TSC22D2: variants seen among roughly 807,000 people sequenced by gnomAD.
TSC22D2 encodes the protein TSC22 domain family member 2.
TSC22D2 carries 5 observed loss-of-function variants against 50.1 expected under a neutral mutation model. The ratio of observed to expected loss-of-function variants is 0.10; its 90% CI spans 0.05 to 0.21. The LOEUF (loss-of-function observed/expected upper bound fraction) is 0.21. Ranked by LOEUF, TSC22D2 falls within the 10% of genes least tolerant of loss-of-function variation. TSC22D2 has a pLI of 1.00. For synonymous variants in TSC22D2, 501 were observed against 450.1 expected, an observed-to-expected ratio of 1.11 and a Z score of -1.43; for missense variants, 1,003 against 1,015.5, an observed-to-expected ratio of 0.99 and a Z score of 0.17.
Position 150,409,709 on chromosome 3 carries a change from C to T in TSC22D2, c.359C>T (p.Thr120Ile), listed in dbSNP as rs771761089. ...AGCGTGTCTGGGGCGCTCGCCAGTA[C>T]CCTGGCGGCGGCTGCCACTTCGGCC... Reference protein sequence around the residue: ...ARSVSGALASTLAAAATSAPA... With the variant: ...ARSVSGALASILAAAATSAPA... Residue 120 changes from threonine to isoleucine, a missense_variant, in exon 1 of 3, where the codon ACC (threonine) becomes ATC (isoleucine). Thr to Ile is a moderately conservative substitution (Grantham distance 89). This residue lies in a region of TSC22D2 where 200 missense variants were observed against 182.8 expected (regional missense o/e 1.09). Coordinates refer to ENST00000688009, the MANE Select transcript of TSC22D2 (RefSeq NM_001303264.2). The surrounding 1 kb of genome is among the most constrained non-coding windows in gnomAD (Gnocchi z 7.4). 4.4e-6 allele frequency: 7 copies of T among 1,591,332 alleles called. No homozygotes were observed. Among genetic ancestry groups the T allele is most frequent in the Non-Finnish European group, 6.0e-6 (7 of 1,172,738 alleles).
At chr3:150,450,159 T>C (rs1720999388) in intron 1 of TSC22D2, among the ~76,000 whole-genome samples, 1 of 152,110 alleles carries the variant, frequency 6.6e-6, no homozygotes, top group African/African-American at 2.4e-5. Context: ...TACGCTTTAC[T>C]GGCTAGCCAT....
At chr3:150,412,658 G>A (rs776896417) in intron 1 of TSC22D2, among the ~76,000 whole-genome samples, 1 of 152,104 alleles carries the variant, frequency 6.6e-6, no homozygotes, top group Non-Finnish European at 1.5e-5. Context: ...AACGCTTAGA[G>A]AATACCACGT....
At chr3:150,425,953 T>G (rs902908343) in intron 1 of TSC22D2, among the ~76,000 whole-genome samples, 10 of 152,224 alleles carry the variant, frequency 6.6e-5, no homozygotes, top group African/African-American at 2.4e-4. Flanking sequence ...TATTTAGATA[T>G]TTCTCCTTCC....
intron 1 of TSC22D2, among the ~76,000 whole-genome samples, chr3:150,422,232 G>A (rs956434918): frequency 3.3e-5 from 5 of 152,206 alleles, no homozygotes; most frequent in African/African-American, 9.6e-5. Flanking sequence ...GAAGGTGGGG[G>A]AGACTATGGA....
rs752176756 is a variant in TSC22D2 at position 150,410,064 on chromosome 3, C to T, written c.714C>T (p.Pro238=). Reference sequence around the variant, plus strand: ...CCTCCATGCAGGGGGCGCACGGGCCCGAGTCGGGAACTGACAGCTCCTTGA... The same window carrying T: ...CCTCCATGCAGGGGGCGCACGGGCCTGAGTCGGGAACTGACAGCTCCTTGA... ...VVASMQGAHG[P]ESGTDSSLTA... The change falls in exon 1 of 3, where the codon CCC becomes CCT. Residue 238 remains proline, a synonymous_variant. Coordinates refer to ENST00000688009, the MANE Select transcript of TSC22D2 (RefSeq NM_001303264.2). The T allele has an allele frequency of 5.0e-6, 8 of 1,613,070 alleles. No individual in the cohort carries two copies. In the South Asian group the frequency reaches 8.8e-5, roughly 18 times the overall value.
At chr3:150,450,379 T>G (rs1721004339) in intron 1 of TSC22D2, among the ~76,000 whole-genome samples, 1 of 152,112 alleles carries the variant, frequency 6.6e-6, no homozygotes, top group Non-Finnish European at 1.5e-5. Flanking sequence ...TTTTACCTGC[T>G]TGCTCAGGAT....
intron 1 of TSC22D2, among the ~76,000 whole-genome samples, chr3:150,425,852 A>G (rs1020458933): frequency 6.6e-6 from 1 of 152,224 alleles, no homozygotes; most frequent in Non-Finnish European, 1.5e-5. Flanking sequence ...TATTGACTTA[A>G]AGTTCTCTAA....
At chr3:150,442,363 TAAGTTC>T (rs1410512286) in intron 1 of TSC22D2, among the ~76,000 whole-genome samples, 1 of 152,252 alleles carries the variant, frequency 6.6e-6, no homozygotes, top group Non-Finnish European at 1.5e-5. Context: ...GAGAAATGTT[TAAGTTC>T]ATTACAACCC....
chr3:150,458,763 T>G lies in TSC22D2; in HGVS notation c.*127T>G, dbSNP rs1721277364. On this transcript the variant is annotated 3_prime_UTR_variant, in exon 3 of 3. Coordinates refer to ENST00000688009, the MANE Select transcript of TSC22D2 (RefSeq NM_001303264.2). The stretch of plus-strand genomic sequence containing the variant: ...GTTGTGTGTTTGGCCTTTTCAGTAT[T>G]AGACAATCATTCTACAAGAGCTTTT... 34 of 1,202,354 alleles carry G rather than the reference T, an allele frequency of 2.8e-5. No individual in the cohort carries two copies. The South Asian group carries it at 5.3e-4, about 19-fold the overall frequency. The allele number at this position is 1,202,354 out of a possible 1,614,324, so 74.5% of individuals were successfully genotyped here. A position where few individuals can be genotyped will look rare whatever the true frequency, so the allele number is the denominator to read the frequency against.
chr3:150,410,948 C>G lies in TSC22D2; in HGVS notation c.1598C>G (p.Ala533Gly). The change falls in exon 1 of 3, where the codon GCG (alanine) becomes GGG (glycine). Residue 533 changes from alanine (A) to glycine (G), a missense_variant. By Grantham distance (60) the Ala-to-Gly change is moderately conservative. This residue lies in a region of TSC22D2 where 696 missense variants were observed against 647.8 expected (regional missense o/e 1.07). Coordinates refer to ENST00000688009, the MANE Select transcript of TSC22D2 (RefSeq NM_001303264.2). Reference sequence around the variant, plus strand: ...TCTGTTACTATGCCAAATGTACCCGCGCCTCTGGCCCAGTCGCAACAGCTG... The same window carrying G: ...TCTGTTACTATGCCAAATGTACCCGGGCCTCTGGCCCAGTCGCAACAGCTG... ...TTSVTMPNVP[A>G]PLAQSQQLSS... is the part of the protein sequence containing the mutation. 6.2e-7 allele frequency: 1 copy of G among 1,614,184 alleles called. No homozygotes were observed. Among genetic ancestry groups the G allele is most frequent in the Non-Finnish European group, 8.5e-7 (1 of 1,180,042 alleles).
intron 1 of TSC22D2, among the ~76,000 whole-genome samples, chr3:150,429,611 A>G (rs563213722): frequency 6.6e-6 from 1 of 152,300 alleles, no homozygotes; most frequent in Non-Finnish European, 1.5e-5. Context: ...TGTGTGGGAA[A>G]GAAAGAAATT....
chr3:150,422,681 T>C (rs930652125), intron 1 of TSC22D2, among the ~76,000 whole-genome samples: 2 of 152,228 alleles, frequency 1.3e-5, no homozygotes, highest in Non-Finnish European at 2.9e-5. Flanking sequence ...AACAGCCTTG[T>C]TAAACTGCTA....
At chr3:150,432,083 C>T (rs913245652) in intron 1 of TSC22D2, among the ~76,000 whole-genome samples, 2 of 152,166 alleles carry the variant, frequency 1.3e-5, no homozygotes, top group African/African-American at 4.8e-5. Flanking sequence ...TGGTGTTTCA[C>T]TGGACCCTAA....
rs574041776 is a variant in TSC22D2 at position 150,455,328 on chromosome 3, T to G, written c.1959-1748T>G. Among the ~76,000 whole-genome samples the G allele has an allele frequency of 4.6e-5, 7 of 152,326 alleles. No homozygotes were observed. In the Middle Eastern group the frequency reaches 0.01, roughly 222 times the overall value. On this transcript the variant is annotated intron_variant, in intron 1 of 2. Coordinates refer to ENST00000688009, the MANE Select transcript of TSC22D2 (RefSeq NM_001303264.2). ...TTTATAGTTACATATAGTCATACTT[T>G]GCACAGCTCACTAAAAGCATTTAAA... is the stretch of plus-strand genomic sequence containing the variant.
chr3:150,417,092 A>G (rs923277471), intron 1 of TSC22D2, among the ~76,000 whole-genome samples: 2 of 152,168 alleles, frequency 1.3e-5, no homozygotes, highest in African/African-American at 4.8e-5. Flanking sequence ...GGCAGGACAA[A>G]TAAGTAAAGT....
Position 150,411,129 on chromosome 3 carries a change from T to A in TSC22D2, c.1779T>A (p.Asp593Glu), listed in dbSNP as rs1010018238. 1 of 1,614,150 alleles carries A rather than the reference T, an allele frequency of 6.2e-7. No homozygotes were observed. Among genetic ancestry groups the A allele is most frequent in the Admixed American group, 1.7e-5 (1 of 60,022 alleles). Residue 593 changes from aspartate to glutamate, a missense_variant, in exon 1 of 3, where the codon GAT becomes GAA. Asp to Glu is a conservative substitution (Grantham distance 45). Around this residue, in one of 6 missense-constraint regions of TSC22D2, gnomAD observed 696 missense variants for 647.8 expected, o/e 1.07. Transcript: ENST00000688009. ...QTQPLVGQVD[D>E]TRRKSEPLPQ... ...AGCCTTTAGTCGGGCAAGTCGACGA[T>A]ACTAGAAGAAAATCAGAACCCCTAC... is the stretch of plus-strand genomic sequence containing the variant.
At chr3:150,451,138 GTA>G (rs1382898753) in intron 1 of TSC22D2, among the ~76,000 whole-genome samples, 3 of 151,850 alleles carry the variant, frequency 2.0e-5, no homozygotes, top group Admixed American at 6.6e-5. Flanking sequence ...ATTTGATTGT[GTA>G]ATTTGGAGAG....
rs569807899 is a variant in TSC22D2, at chr3:150,437,266, C to T, written c.1959-19810C>T. Among the ~76,000 whole-genome samples, 6 of 152,090 alleles carry T rather than the reference C, an allele frequency of 3.9e-5. No individual in the cohort carries two copies. The South Asian group carries it at 1.2e-3, about 32-fold the overall frequency. ...TGATTTTTGCCATTATTAAATCTTC[C>T]TACCTCCAGTTTTCTTCCGTGCCCA... On this transcript the variant is annotated intron_variant, in intron 1 of 2. Transcript: ENST00000688009.
At chr3:150,457,280 C>T (rs561449899) in intron 2 of TSC22D2, among the ~76,000 whole-genome samples, 153 bp downstream of exon 2, 3 of 152,218 alleles carry the variant, frequency 2.0e-5, no homozygotes, top group South Asian at 2.1e-4. Flanking sequence ...GATGCTAGAA[C>T]GTTGAGAACT....
Sources: gnomAD v4.1 joint callset for allele counts (sites outside exome capture counted in the v4.1 genomes callset) on GRCh38, gnomAD v4.1.1 for gene constraint, gnomAD v4.1.1 regional missense constraint, Gnocchi (gnomAD v3.1) non-coding constraint, MANE v1.5 for transcripts, NCBI Gene and HGNC (gene_info 2026-07-23, HGNC 2026-07-21) for gene names.